The following PKHD1L1 variants were observed in gnomAD, a reference collection of about 807,000 sequenced individuals.
PKHD1L1 encodes PKHD1 like 1.
PKHD1L1 carries 434 observed loss-of-function variants against 462.9 expected under a neutral mutation model. That is an observed-to-expected ratio of 0.94 (90% CI 0.87 to 1.02). The LOEUF is 1.02. Among genes scored for constraint, PKHD1L1 ranks in the 50% least tolerant of loss-of-function variants. PKHD1L1 has a pLI of 0.00. For synonymous variants in PKHD1L1, 1,781 were observed against 1,750.0 expected (o/e 1.02, Z -0.44); for missense variants, 5,202 against 5,096.1 (o/e 1.02, Z -0.63).
Position 109,480,044 on chromosome 8 carries a change from TG to T in PKHD1L1, c.9238del (p.Val3080PhefsTer2), listed in dbSNP as rs1586596294. 3.1e-6 allele frequency: 5 copies of T among 1,594,884 alleles called. No homozygotes were observed. Among genetic ancestry groups the T allele is most frequent in the Middle Eastern group, 1.7e-4 (1 of 6,008 alleles). On this transcript the variant is annotated frameshift_variant, in exon 55 of 78. Coordinates refer to ENST00000378402, the MANE Select transcript of PKHD1L1 (RefSeq NM_177531.6). LOFTEE classifies it high-confidence loss of function. ...DMPSMERLII[W>X]GVLELEDKYN... ...GCCATCAATGGAAAGACTCATTATT[TG>T]GGGGGTTCTAGAACTGGAAGATAAA...
At chr8:109,463,264 T>C (rs56266884) in intron 48 of PKHD1L1, among the ~76,000 whole-genome samples, 128 of 152,266 alleles carry the variant, frequency 8.4e-4, no homozygotes, top group Admixed American at 3.1e-3. Flanking sequence ...GTTCTTATCA[T>C]GTATTCAGCA....
At chr8:109,430,606 G>A (rs946396643) in intron 27 of PKHD1L1, among the ~76,000 whole-genome samples, 1 of 152,018 alleles carries the variant, frequency 6.6e-6, no homozygotes, top group Non-Finnish European at 1.5e-5. Context: ...TTGTGTCTGA[G>A]CAACTAAGGA....
intron 75 of PKHD1L1, 88 bp from the exon 76 acceptor site, chr8:109,523,145 C>A: frequency 8.0e-7 from 1 of 1,251,326 alleles, no homozygotes; most frequent in Non-Finnish European, 1.1e-6. Context: ...TATAATGAGG[C>A]ATTTTTAAAA....
intron 21 of PKHD1L1, among the ~76,000 whole-genome samples, chr8:109,417,182 TA>T (rs1392539936): frequency 1.2e-4 from 18 of 152,128 alleles, no homozygotes; most frequent in Non-Finnish European, 2.2e-4. Flanking sequence ...ATAGTACATT[TA>T]AAAACAATTA....
chr8:109,431,939 C>G (rs1160264212), intron 27 of PKHD1L1, among the ~76,000 whole-genome samples: 1 of 152,110 alleles, frequency 6.6e-6, no homozygotes, highest in African/African-American at 2.4e-5. Flanking sequence ...AATGTAATAG[C>G]AACATATCCC....
intron 32 of PKHD1L1, among the ~76,000 whole-genome samples, chr8:109,440,079 A>G (rs1815687355): frequency 6.6e-6 from 1 of 152,070 alleles, no homozygotes; most frequent in Non-Finnish European, 1.5e-5. Flanking sequence ...AGTTAACACA[A>G]TGATTCACGT....
Position 109,477,330 on chromosome 8 carries a change from A to C in PKHD1L1, c.9023A>C (p.Gln3008Pro), listed in dbSNP as rs747071298. The C allele has an allele frequency of 6.2e-7, 1 of 1,613,556 alleles. No individual in the cohort carries two copies. The highest frequency in any genetic ancestry group is 1.1e-5 in the South Asian group (1 of 91,056). The change falls in exon 53 of 78, where the codon CAG (glutamine) becomes CCG (proline). Residue 3008 changes from glutamine (Q) to proline (P), a missense_variant. Physicochemically the swap from Gln to Pro is moderately conservative, Grantham distance 76. Around this residue, in one of 3 missense-constraint regions of PKHD1L1, gnomAD observed 4,497 missense variants for 4,336.8 expected, o/e 1.04. Transcript: ENST00000378402. ...TTCCAAGCTTACTGTTGTATTCTCC[A>C]GGATTGCTTTCCTGTACATCCGCCA... ...INFQAYCCIL[Q>P]DCFPVHPPSR...
At chr8:109,467,419 C>T (rs1015087707) in intron 50 of PKHD1L1, among the ~76,000 whole-genome samples, 13 of 150,830 alleles carry the variant, frequency 8.6e-5, no homozygotes, top group African/African-American at 2.7e-4. Flanking sequence ...TGCCCCGCCC[C>T]AACTCAAGGA....
In PKHD1L1 at chr8:109,476,645, C is replaced by A; in HGVS notation, c.8895C>A (p.Asn2965Lys). 1 of 1,599,508 alleles carries A rather than the reference C, an allele frequency of 6.3e-7. No individual in the cohort carries two copies. The highest frequency in any genetic ancestry group is 8.5e-7 in the Non-Finnish European group (1 of 1,172,344). The change falls in exon 52 of 78, where the codon AAC (asparagine) becomes AAA (lysine). Residue 2965 changes from asparagine to lysine, a missense_variant. Asn to Lys is a moderately conservative substitution (Grantham distance 94, BLOSUM62 0). Transcript: ENST00000378402. ...SKNGDWHLEA[N>K]TSTLYYLVSG... ...ATGGGGACTGGCACCTTGAAGCAAA[C>A]ACTAGTACTCTATATTACTTGGGTA...
At chr8:109,409,096 C>T (rs1813706662) in intron 18 of PKHD1L1, among the ~76,000 whole-genome samples, 1 of 152,106 alleles carries the variant, frequency 6.6e-6, no homozygotes, top group Admixed American at 6.6e-5. Context: ...TTGTCTCAAG[C>T]CCTTAATTCT....
At chr8:109,375,139 A>T (rs1421159745) in intron 2 of PKHD1L1, among the ~76,000 whole-genome samples, 1 of 152,204 alleles carries the variant, frequency 6.6e-6, no homozygotes, top group Non-Finnish European at 1.5e-5. Context: ...CAGGTACACC[A>T]ATTAGACGTA....
At chr8:109,396,221 T>A (rs1812968261) in intron 11 of PKHD1L1, 84 bp downstream of exon 11, 1 of 954,330 alleles carries the variant, frequency 1.0e-6, no homozygotes, top group South Asian at 1.6e-5. Context: ...AATAATAGTC[T>A]TTTCTCAACT....
At chr8:109,424,105 G>A (rs570562463) in intron 23 of PKHD1L1, among the ~76,000 whole-genome samples, 25 of 152,074 alleles carry the variant, frequency 1.6e-4, no homozygotes, top group South Asian at 1.0e-3. Context: ...TCCTTGAACC[G>A]CTCTTCTTTC....
chr8:109,493,741 A>G lies in PKHD1L1; in HGVS notation c.10317A>G (p.Glu3439=). ...FGRAGYRIDG[E]PCPGQFNPVE... is the part of the protein sequence containing the mutation. ...GAGCAGGATACCGCATTGATGGTGA[A>G]CCTTGCCCAGGTAAGTCTTTTAAAC... is the stretch of plus-strand genomic sequence containing the variant. Residue 3439 remains glutamate, a synonymous_variant, in exon 63 of 78, where the codon GAA becomes GAG. Coordinates refer to ENST00000378402, the MANE Select transcript of PKHD1L1 (RefSeq NM_177531.6). The G allele has an allele frequency of 6.2e-7, 1 of 1,600,798 alleles. No individual in the cohort carries two copies. Among genetic ancestry groups the G allele is most frequent in the Non-Finnish European group, 8.5e-7 (1 of 1,173,628 alleles).
intron 14 of PKHD1L1, among the ~76,000 whole-genome samples, chr8:109,402,433 A>T (rs73700878): frequency 4.6e-5 from 7 of 152,076 alleles, no homozygotes; most frequent in East Asian, 1.9e-4. Context: ...GGCATGGTTG[A>T]GTCTTAGATA....
chr8:109,501,299 G>A, intron 67 of PKHD1L1, among the ~76,000 whole-genome samples: 1 of 152,094 alleles, frequency 6.6e-6, no homozygotes. Flanking sequence ...TGATTCCATT[G>A]TCTTATGCTC....
At position 109,442,946 on chromosome 8, in the gene PKHD1L1, G is replaced by A. The variant is rs752506012; in HGVS notation, c.4394G>A (p.Gly1465Asp). ...FTSGRQKSTS[G>D]SFSYQFTSPG... is the part of the protein sequence containing the mutation. The stretch of plus-strand genomic sequence containing the variant: ...TACGTACAATCTCATTTTATGGCAG[G>A]TTCATTTTCTTACCAATTTACTTCT... Residue 1465 changes from glycine (G) to aspartate (D), a missense_variant and splice_region_variant, in exon 36 of 78, where the codon GGT (glycine) becomes GAT (aspartate). Coordinates refer to ENST00000378402, the MANE Select transcript of PKHD1L1 (RefSeq NM_177531.6). 3.7e-6 allele frequency: 6 copies of A among 1,611,262 alleles called. No homozygotes were observed. Among genetic ancestry groups the A allele is most frequent in the South Asian group, 1.1e-5 (1 of 90,874 alleles).
In PKHD1L1 at chr8:109,531,984, C is replaced by T. The variant is rs1821051787; in HGVS notation, c.*1894C>T. Among the ~76,000 whole-genome samples, 1 of 152,170 alleles carries T rather than the reference C, an allele frequency of 6.6e-6. No homozygotes were observed. The highest frequency in any genetic ancestry group is 2.1e-4 in the South Asian group (1 of 4,832). On this transcript the variant is annotated 3_prime_UTR_variant, in exon 78 of 78. Coordinates refer to ENST00000378402, the MANE Select transcript of PKHD1L1 (RefSeq NM_177531.6). ...TCCTTTCTGTTGGAAAACTAAATTCCAAAAACTGCAATTCCAGCATCTATG... is the reference window on the plus strand; with the variant it reads ...TCCTTTCTGTTGGAAAACTAAATTCTAAAAACTGCAATTCCAGCATCTATG...
At chr8:109,367,764 G>C (rs1811304897) in intron 2 of PKHD1L1, among the ~76,000 whole-genome samples, 1 of 152,158 alleles carries the variant, frequency 6.6e-6, no homozygotes, top group African/African-American at 2.4e-5. Flanking sequence ...AGTCCAGCAT[G>C]ATGGCCTGCC....
Sources: allele counts gnomAD v4.1 joint callset (sites outside exome capture counted in the v4.1 genomes callset), GRCh38; gene constraint gnomAD v4.1.1; regional missense constraint gnomAD v4.1.1; transcripts MANE v1.5; gene names NCBI Gene and HGNC (gene_info 2026-07-23, HGNC 2026-07-21).